HNRNPA1: variants seen among roughly 807,000 people sequenced by gnomAD.
HNRNPA1 encodes epididymis secretory sperm binding protein.
A neutral mutation model predicts 44.4 loss-of-function variants in HNRNPA1; 7 were observed. The observed-to-expected ratio is 0.16, with a 90% confidence interval of 0.09 to 0.30. HNRNPA1 has a LOEUF of 0.30. Ranked by LOEUF, HNRNPA1 falls within the 10% of genes least tolerant of loss-of-function variation. The probability of loss-of-function intolerance (pLI) is 1.00; values close to 1 mark genes in which losing one functional copy is unlikely to be tolerated. For synonymous variants in HNRNPA1, 169 were observed against 160.6 expected (o/e 1.05, Z -0.40); for missense variants, 193 against 465.8 (o/e 0.41, Z 5.39).
rs748735817 is a variant in HNRNPA1 at position 54,282,681 on chromosome 12, C to T, written c.676+16C>T. 7.5e-6 allele frequency: 12 copies of T among 1,606,214 alleles called. No homozygotes were observed. Among genetic ancestry groups the T allele is most frequent in the African/African-American group, 1.3e-5 (1 of 74,732 alleles). On this transcript the variant is annotated intron_variant, in intron 6 of 10. Transcript: ENST00000340913. ...AGTGGTCGTGGTATGTATGGTTTAT[C>T]TACATGTAGTTCTGACTTCTCACCA...
At position 54,280,933 on chromosome 12, in the gene HNRNPA1, C is replaced by A; in HGVS notation, c.15+111C>A. The A allele has an allele frequency of 3.3e-6, 4 of 1,211,546 alleles. No homozygotes were observed. The South Asian group carries it at 3.6e-5, about 11-fold the overall frequency. The allele number at this position is 1,211,546 out of a possible 1,614,324, so 75.0% of individuals were successfully genotyped here. A position where few individuals can be genotyped will look rare whatever the true frequency, so the allele number is the denominator to read the frequency against. ...CAGCCCATTCTACAGTTCCTTCGGT[C>A]GCTGCCACGGCCTACCCCTCCCAAA... On this transcript the variant is annotated intron_variant, in intron 1 of 10. Transcript: ENST00000340913.
chr12:54,282,733 G>A (rs545077765), intron 6 of HNRNPA1, 67 bp from the exon 7 acceptor site: 42 of 1,587,604 alleles, frequency 2.6e-5, no homozygotes, highest in East Asian at 4.5e-5. Context: ...TTTACAGTAC[G>A]GGAACTGCAT....
intron 10 of HNRNPA1, 83 bp from the exon 11 acceptor site, chr12:54,284,466 G>A: frequency 1.2e-6 from 1 of 804,440 alleles, no homozygotes; most frequent in Non-Finnish European, 2.1e-6. Context: ...AGCAAAATTT[G>A]TGGGAAACAA....
intron 3 of HNRNPA1, 21 bp downstream of exon 3, chr12:54,281,962 C>T (rs199698012): frequency 1.7e-4 from 280 of 1,610,914 alleles, no homozygotes; most frequent in Non-Finnish European, 2.0e-4. Flanking sequence ...TTTTTTTCTT[C>T]TTCTTCTTAA....
rs957535967 is a variant in HNRNPA1 at position 54,283,023 on chromosome 12, A to C, written c.752-56A>C. The stretch of plus-strand genomic sequence containing the variant: ...GCAGGCCTTCAGCCGTTACACTTGC[A>C]CAAGTTTTCATTGTCAAATACTTTT... On this transcript the variant is annotated intron_variant, in intron 7 of 10. Transcript: ENST00000340913. The C allele has an allele frequency of 3.3e-5, 53 of 1,588,440 alleles. No individual in the cohort carries two copies. The African/African-American group carries it at 6.7e-4, about 20-fold the overall frequency.
In HNRNPA1 at chr12:54,285,408, A is replaced by G. The variant is rs1468216884; in HGVS notation, c.*864A>G. 2 of 152,214 alleles carry G rather than the reference A, an allele frequency of 1.3e-5. No homozygotes were observed. Among genetic ancestry groups the G allele is most frequent in the African/African-American group, 2.4e-5 (1 of 41,450 alleles). 9.4% of individuals were successfully genotyped at this position (152,214 alleles called of 1,614,324 possible). A position where few individuals can be genotyped will look rare whatever the true frequency, so the allele number is the denominator to read the frequency against. On this transcript the variant is annotated 3_prime_UTR_variant, in exon 11 of 11. Coordinates refer to ENST00000340913, the MANE Select transcript of HNRNPA1 (RefSeq NM_031157.4). ...CTAATGCCGCTCCATAAATCCGCAG[A>G]TTTGAAGTGTCTGGGAGGCCTTTTA...
At position 54,283,074 on chromosome 12, in the gene HNRNPA1, T is replaced by A; in HGVS notation, c.752-5T>A. On this transcript the variant is annotated splice_region_variant and splice_polypyrimidine_tract_variant and intron_variant, in intron 7 of 10. Coordinates refer to ENST00000340913, the MANE Select transcript of HNRNPA1 (RefSeq NM_031157.4). ...GTCTTATTGAGAAGAATTGTATTCT[T>A]GTAGGTGGTTATGGAGGAGGCGGCC... 6.2e-7 allele frequency: 1 copy of A among 1,612,444 alleles called. No homozygotes were observed. The highest frequency in any genetic ancestry group is 1.7e-5 in the Admixed American group (1 of 59,938).
intron 2 of HNRNPA1, 108 bp from the exon 3 acceptor site, chr12:54,281,687 C>CT (rs892897306): frequency 8.7e-6 from 11 of 1,266,784 alleles, no homozygotes; most frequent in Non-Finnish European, 1.2e-5. Context: ...AACTGGACGA[C>CT]TTTTTATAAA....
Position 54,285,763 on chromosome 12 carries a change from GCT to G in HNRNPA1, c.*1225_*1226del, listed in dbSNP as rs796651892. 7.9e-5 allele frequency: 12 copies of G among 152,026 alleles called. No homozygotes were observed. The highest frequency in any genetic ancestry group is 4.6e-4 in the Admixed American group (7 of 15,246). 9.4% of individuals were successfully genotyped at this position (152,026 alleles called of 1,614,324 possible). Reference sequence around the variant, plus strand: ...GATTCTTTTGAGCCTTACCTTTGGTGCTCTCTCAATTTCAGTGCTATTGTACC... The same window carrying G: ...GATTCTTTTGAGCCTTACCTTTGGTGCTCTCAATTTCAGTGCTATTGTACC... On this transcript the variant is annotated 3_prime_UTR_variant, in exon 11 of 11. Transcript: ENST00000340913.
At position 54,283,133 on chromosome 12, in the gene HNRNPA1, G is replaced by A. The variant is rs780354416; in HGVS notation, c.806G>A (p.Ser269Asn). 6.2e-7 allele frequency: 1 copy of A among 1,613,606 alleles called. No individual in the cohort carries two copies. The highest frequency in any genetic ancestry group is 8.5e-7 in the Non-Finnish European group (1 of 1,179,804). Reference sequence around the variant, plus strand: ...TCTGGAGGAAGCAGAGGCTATGGAAGTGGTGGACAGGGTTATGGAAACCAG... The same window carrying A: ...TCTGGAGGAAGCAGAGGCTATGGAAATGGTGGACAGGGTTATGGAAACCAG... ...GYSGGSRGYG[S>N]GGQGYGNQGS... The change falls in exon 8 of 11, where the codon AGT becomes AAT. Residue 269 changes from serine (S) to asparagine (N), a missense_variant. Ser to Asn is a conservative substitution (Grantham distance 46, BLOSUM62 1). Coordinates refer to ENST00000340913, the MANE Select transcript of HNRNPA1 (RefSeq NM_031157.4).
chr12:54,281,589 G>A, intron 2 of HNRNPA1, 87 bp downstream of exon 2: 2 of 1,051,920 alleles, frequency 1.9e-6, no homozygotes, highest in Non-Finnish European at 2.9e-6. Flanking sequence ...TATGAAAGTA[G>A]TTAATAGCAT....
At chr12:54,280,982 T>A in intron 1 of HNRNPA1, 160 bp downstream of exon 1, 1 of 795,936 alleles carries the variant, frequency 1.3e-6, no homozygotes, top group Non-Finnish European at 2.2e-6. Context: ...TTTTGTCCTC[T>A]TGATCGCCAT....
Position 54,282,293 on chromosome 12 carries a change from G to A in HNRNPA1, c.483G>A (p.Lys161=). Residue 161 remains lysine, a synonymous_variant, in exon 4 of 11, where the codon AAG becomes AAA. Transcript: ENST00000340913. ...TTGACGACCATGACTCCGTGGATAA[G>A]ATTGTCAGTAAGTATCAGATAGTGG... The part of the protein sequence containing the change: ...VTFDDHDSVD[K]IVIQKYHTVN... 1.2e-6 allele frequency: 2 copies of A among 1,613,836 alleles called. No homozygotes were observed. Among genetic ancestry groups the A allele is most frequent in the South Asian group, 1.1e-5 (1 of 91,086 alleles).
rs572834463 is a variant in HNRNPA1 at position 54,283,360 on chromosome 12, A to G, written c.907+126A>G. 6.4e-5 allele frequency: 67 copies of G among 1,049,400 alleles called. 1 individual carries two copies. The highest frequency in any genetic ancestry group is 5.7e-4 in the African/African-American group (36 of 62,804). 65.0% of individuals were successfully genotyped at this position (1,049,400 alleles called of 1,614,324 possible). On this transcript the variant is annotated intron_variant, in intron 8 of 10. Transcript: ENST00000340913. ...TATATTAAAAACAAATGGGCTTGCT[A>G]TGCTACCTCCTCCTAGCTTTAAGCT...
At chr12:54,282,748 A>T in intron 6 of HNRNPA1, 52 bp from the exon 7 acceptor site, 1 of 1,586,578 alleles carries the variant, frequency 6.3e-7, no homozygotes, top group Non-Finnish European at 8.6e-7. Context: ...CTGCATTCAG[A>T]ATGTCACTTT....
At position 54,282,679 on chromosome 12, in the gene HNRNPA1, A is replaced by C. The variant is rs376588817; in HGVS notation, c.676+14A>C. On this transcript the variant is annotated intron_variant, in intron 6 of 10. Coordinates refer to ENST00000340913, the MANE Select transcript of HNRNPA1 (RefSeq NM_031157.4). ...TCAGTGGTCGTGGTATGTATGGTTT[A>C]TCTACATGTAGTTCTGACTTCTCAC... The C allele has an allele frequency of 7.5e-6, 12 of 1,607,708 alleles. No individual in the cohort carries two copies. The highest frequency in any genetic ancestry group is 1.6e-4 in the Middle Eastern group (1 of 6,078).
At chr12:54,280,880 A>G in intron 1 of HNRNPA1, 58 bp downstream of exon 1, 1 of 1,590,584 alleles carries the variant, frequency 6.3e-7, no homozygotes, top group East Asian at 2.2e-5. Flanking sequence ...TGAATCGGTA[A>G]GATGCTGCTG....
At position 54,286,895 on chromosome 12, in the gene HNRNPA1, G is replaced by T. The variant is rs183364059; in HGVS notation, c.*2351G>T. 9 of 152,270 alleles carry T rather than the reference G, an allele frequency of 5.9e-5. No individual in the cohort carries two copies. In the East Asian group the frequency reaches 1.7e-3, roughly 29 times the overall value. 9.4% of individuals were successfully genotyped at this position (152,270 alleles called of 1,614,324 possible). On this transcript the variant is annotated 3_prime_UTR_variant, in exon 11 of 11. Transcript: ENST00000340913. ...CCCAGTAGTGACAGTGGATATAACT[G>T]TGTAGTCATTCACCTCTGCTTATAT...
chr12:54,281,372 T>TC lies in HNRNPA1; in HGVS notation c.16-8dup, dbSNP rs755744884. On this transcript the variant is annotated splice_polypyrimidine_tract_variant and intron_variant, in intron 1 of 10. Transcript: ENST00000340913. ...TTGTAGCCCATTTAACACTTCCCCC[T>TC]CCCCCCACTCTAGTCTCCTAAAGAG... The TC allele has an allele frequency of 4.9e-6, 7 of 1,440,920 alleles. No individual in the cohort carries two copies. Among genetic ancestry groups the TC allele is most frequent in the Middle Eastern group, 1.8e-4 (1 of 5,654 alleles). The allele number at this position is 1,440,920 out of a possible 1,614,324, so 89.3% of individuals were successfully genotyped here.
Sources: allele counts gnomAD v4.1 joint callset, GRCh38; gene constraint gnomAD v4.1.1; transcripts MANE v1.5; gene names NCBI Gene and HGNC (gene_info 2026-07-23, HGNC 2026-07-21).